Variants in MATR3 observed in about 807,000 individuals in gnomAD.
The protein encoded by MATR3 is matrin-3.
MATR3 carries 4 observed loss-of-function variants against 85.5 expected under a neutral mutation model. The observed-to-expected ratio is 0.05, with a 90% CI of 0.02 to 0.11. MATR3 has a LOEUF of 0.11. Among genes scored for constraint, MATR3 ranks in the 10% least tolerant of loss-of-function variants. The pLI is 1.00. For synonymous variants in MATR3, 336 were observed against 343.1 expected (o/e 0.98, Z 0.23); for missense variants, 685 against 1,016.1 (o/e 0.67, Z 4.43).
At chr5:139,290,015 G>C (rs1448418957), upstream of MATR3, among the ~76,000 whole-genome samples, 1 of 152,060 alleles carries the variant, frequency 6.6e-6, no homozygotes, top group Non-Finnish European at 1.5e-5. Context: ...TTGTTTTCAA[G>C]GCAACACAAT....
chr5:139,327,660 A>C (rs1258583568), intron 14 of MATR3, among the ~76,000 whole-genome samples: 1 of 152,078 alleles, frequency 6.6e-6, no homozygotes, highest in East Asian at 1.9e-4. Context: ...GCTTCAGATG[A>C]TCCTCCCACC....
At chr5:139,297,764 A>ATCT (rs1306910989) in intron 1 of MATR3, among the ~76,000 whole-genome samples, 15 of 152,338 alleles carry the variant, frequency 9.8e-5, no homozygotes, top group African/African-American at 3.6e-4. Flanking sequence ...GGAAGTGGAA[A>ATCT]ATAAAAAGTG....
At chr5:139,294,131 C>T (rs1754004883) in intron 1 of MATR3, 1 of 1,131,878 alleles carries the variant, frequency 8.8e-7, no homozygotes, top group African/African-American at 1.6e-5. Flanking sequence ...TCCTGCGCGT[C>T]CTGGGCTCGT....
chr5:139,308,040 CAAG>C lies in MATR3; in HGVS notation c.628_630del (p.Glu210del), dbSNP rs1754795693. 1.2e-6 allele frequency: 2 copies of C among 1,614,076 alleles called. No individual in the cohort carries two copies. The highest frequency in any genetic ancestry group is 1.7e-6 in the Non-Finnish European group (2 of 1,180,022). ...TGATTATGACCATGGAAGTCGTTCT[CAAG>C]AATCTGGTTATTATGACAGAATGGA... On this transcript the variant is annotated inframe_deletion, in exon 2 of 15. Coordinates refer to ENST00000394805, the MANE Select transcript of MATR3 (RefSeq NM_018834.6).
At chr5:139,293,543 G>A (rs540879848), upstream of MATR3, 1 of 160,226 alleles carries the variant, frequency 6.2e-6, no homozygotes, top group East Asian at 1.8e-4. Context: ...ATGACGGAGA[G>A]GGATCTCCGG....
intron 1 of MATR3, among the ~76,000 whole-genome samples, chr5:139,305,349 C>T (rs1312860850): frequency 1.3e-5 from 2 of 152,104 alleles, no homozygotes; most frequent in South Asian, 2.1e-4. Context: ...AAAATATGGC[C>T]GTTTTAAAAA....
At chr5:139,275,142 ATTTTTTTTTTTTTTTT>A (rs750841386) in intron 1 of MATR3, among the ~76,000 whole-genome samples, 2 of 40,890 alleles carry the variant, frequency 4.9e-5, no homozygotes, top group Non-Finnish European at 4.5e-5. Flanking sequence ...CGCCCGGCTA[ATTTTTTTTTTTTTTTT>A]TTTTTTTTTT....
In MATR3 at chr5:139,311,750, C is replaced by CTTTTTTTTTTTTTTTTTTTTTTTTTTTTT. The variant is rs552172719; in HGVS notation, c.913-2918_913-2890dup. On this transcript the variant is annotated intron_variant, in intron 2 of 14. Coordinates refer to ENST00000394805, the MANE Select transcript of MATR3 (RefSeq NM_018834.6). ...TTAATTGGTATTTGTTTAATTAATC[C>CTTTTTTTTTTTTTTTTTTTTTTTTTTTTT]TTTTTTTTTTTTTTTTTTTTTTTTT... 8 of 65,236 alleles carry CTTTTTTTTTTTTTTTTTTTTTTTTTTTTT rather than the reference C, an allele frequency of 1.2e-4. 2 individuals are homozygous for CTTTTTTTTTTTTTTTTTTTTTTTTTTTTT. Among genetic ancestry groups the CTTTTTTTTTTTTTTTTTTTTTTTTTTTTT allele is most frequent in the African/African-American group, 2.6e-4 (4 of 15,362 alleles). 4.0% of individuals were successfully genotyped at this position (65,236 alleles called of 1,614,324 possible).
chr5:139,331,177 A>G lies in MATR3; in HGVS notation c.*1782A>G, dbSNP rs977088982. 4.4e-6 allele frequency: 2 copies of G among 454,026 alleles called. No individual in the cohort carries two copies. The highest frequency in any genetic ancestry group is 4.0e-5 in the African/African-American group (2 of 50,006). The allele number at this position is 454,026 out of a possible 1,614,324, so 28.1% of individuals were successfully genotyped here. ...TGTTCAGACCCCAGTTTATTAAAGG[A>G]TACTTCAAATAGTTGGCTAAATTTT... On this transcript the variant is annotated 3_prime_UTR_variant, in exon 15 of 15. Coordinates refer to ENST00000394805, the MANE Select transcript of MATR3 (RefSeq NM_018834.6).
At chr5:139,286,085 CAG>C (rs1753693392) in intron 3 of MATR3, among the ~76,000 whole-genome samples, 3 of 152,168 alleles carry the variant, frequency 2.0e-5, no homozygotes. Flanking sequence ...TCTCAAAAGA[CAG>C]AGTTTTGAAA....
chr5:139,314,898 A>C, intron 3 of MATR3, 162 bp downstream of exon 3: 2 of 642,946 alleles, frequency 3.1e-6, no homozygotes, highest in Non-Finnish European at 5.5e-6. Flanking sequence ...TTAGATCTGG[A>C]AATTTCATAT....
At chr5:139,288,186 C>T (rs191440679) in intron 3 of MATR3, among the ~76,000 whole-genome samples, 50 of 152,266 alleles carry the variant, frequency 3.3e-4, no homozygotes, top group African/African-American at 1.1e-3. Context: ...TGCACTCCAG[C>T]CTGGGAAACA....
chr5:139,319,596 C>T (rs1459466283), intron 9 of MATR3, 95 bp downstream of exon 9: 3 of 1,204,768 alleles, frequency 2.5e-6, no homozygotes, highest in South Asian at 1.4e-5. Context: ...ACCTGTAATC[C>T]CAGCAGTTTG....
At chr5:139,295,572 C>CT (rs1186971366) in intron 1 of MATR3, among the ~76,000 whole-genome samples, 1 of 152,146 alleles carries the variant, frequency 6.6e-6, no homozygotes, top group African/African-American at 2.4e-5. Context: ...TTTAACTACC[C>CT]TTGATCTGTG....
rs745984050 is a variant in MATR3, at chr5:139,308,185, C to T, written c.770C>T (p.Pro257Leu). 1 of 1,614,072 alleles carries T rather than the reference C, an allele frequency of 6.2e-7. No homozygotes were observed. Among genetic ancestry groups the T allele is most frequent in the South Asian group, 1.1e-5 (1 of 91,070 alleles). The change falls in exon 2 of 15, where the codon CCT becomes CTT. Residue 257 changes from proline (P) to leucine (L), a missense_variant. By Grantham distance (98) the Pro-to-Leu change is moderately conservative. Coordinates refer to ENST00000394805, the MANE Select transcript of MATR3 (RefSeq NM_018834.6). ...GAGTATGAGAGAATGGGACGTGGTCCTGGCCCCTTACAAGAGAGATCTCTC... is the reference window on the plus strand; with the variant it reads ...GAGTATGAGAGAATGGGACGTGGTCTTGGCCCCTTACAAGAGAGATCTCTC... ...DSEYERMGRG[P>L]GPLQERSLFE...
chr5:139,283,315 C>T (rs547333742), intron 3 of MATR3: 2 of 152,348 alleles, frequency 1.3e-5, no homozygotes, highest in South Asian at 2.1e-4. Flanking sequence ...AGTATTAATT[C>T]TCCTGGAGAG....
intron 3 of MATR3, among the ~76,000 whole-genome samples, chr5:139,284,490 C>G (rs73255208): frequency 0.012 from 1,878 of 152,168 alleles, 46 homozygotes; most frequent in African/African-American, 0.043. Flanking sequence ...TGCCTGTAAT[C>G]CCAACTATTT....
At chr5:139,303,358 C>T (rs1754550590) in intron 1 of MATR3, among the ~76,000 whole-genome samples, 1 of 150,280 alleles carries the variant, frequency 6.7e-6, no homozygotes, top group Non-Finnish European at 1.5e-5. Flanking sequence ...CCTCGGCTTC[C>T]CAAAGTGCAG....
chr5:139,301,494 A>G (rs1269571236), intron 1 of MATR3, among the ~76,000 whole-genome samples: 2 of 151,800 alleles, frequency 1.3e-5, no homozygotes. Flanking sequence ...TAATTTTTGT[A>G]TTTTTTAGTA....
Sources: gnomAD v4.1 joint callset for allele counts (sites outside exome capture counted in the v4.1 genomes callset) on GRCh38, gnomAD v4.1.1 for gene constraint, MANE v1.5 for transcripts, NCBI Gene and HGNC (gene_info 2026-07-23, HGNC 2026-07-21) for gene names.